TDRD1: variants seen among roughly 807,000 people sequenced by gnomAD.
TDRD1 encodes the protein tudor domain-containing protein 1.
In TDRD1, 37 loss-of-function variants were observed where a neutral mutation model predicts 140.6. The ratio of observed to expected loss-of-function variants is 0.26; its 90% confidence interval spans 0.20 to 0.35. The LOEUF (loss-of-function observed/expected upper bound fraction) is 0.35, where lower values mean the gene tolerates loss of function less well. Among genes scored for constraint, TDRD1 ranks in the 10% least tolerant of loss-of-function variants. The pLI, the probability that TDRD1 is intolerant of heterozygous loss-of-function variation, is 1.00. For missense variants in TDRD1, 1,243 were observed against 1,393.0 expected, an observed-to-expected ratio of 0.89 and a Z score of 1.71; for synonymous variants, 506 against 475.7, an observed-to-expected ratio of 1.06 and a Z score of -0.83.
intron 3 of TDRD1, among the ~76,000 whole-genome samples, chr10:114,191,936 CATT>C (rs2033992928): frequency 6.6e-6 from 1 of 152,174 alleles, no homozygotes; most frequent in Non-Finnish European, 1.5e-5. Flanking sequence ...AGTACTATCT[CATT>C]GTGGTTTAAC....
chr10:114,203,393 G>A (rs758693322), exon 8 of TDRD1: 16 of 1,594,634 alleles, frequency 1.0e-5, no homozygotes, highest in Middle Eastern at 1.7e-4. Flanking sequence ...GAAAGGGTAC[G>A]GTTACCGAAT....
chr10:114,200,893 AC>A (rs2034694139), intron 4 of TDRD1, among the ~76,000 whole-genome samples: 1 of 120,108 alleles, frequency 8.3e-6, no homozygotes, highest in South Asian at 2.5e-4. Flanking sequence ...TCACTCTGTC[AC>A]CCAGGCTGTG....
Position 114,187,933 on chromosome 10 carries a change from G to T in TDRD1, c.102G>T (p.Lys34Asn). Residue 34 changes from lysine to asparagine, a missense_variant, in exon 2 of 26, where the codon AAG becomes AAT. Around this residue, in one of 5 missense-constraint regions of TDRD1, gnomAD observed 237 missense variants for 215.5 expected, o/e 1.10. Coordinates refer to ENST00000251864, the Ensembl canonical transcript of TDRD1. Reference sequence around the variant, plus strand: ...TTAATTTTGAGAAAAATGAAAACAAGCTTCCACCACATGAGTCTTTAAGAA... The same window carrying T: ...TTAATTTTGAGAAAAATGAAAACAATCTTCCACCACATGAGTCTTTAAGAA... The T allele has an allele frequency of 6.2e-7, 1 of 1,613,728 alleles. No individual in the cohort carries two copies. The highest frequency in any genetic ancestry group is 2.2e-5 in the East Asian group (1 of 44,870).
intron 2 of TDRD1, among the ~76,000 whole-genome samples, chr10:114,190,240 T>G (rs1000534852): frequency 6.6e-6 from 1 of 152,238 alleles, no homozygotes; most frequent in Non-Finnish European, 1.5e-5. Context: ...AAATATAGTT[T>G]TTAAAAATTA....
chr10:114,186,413 G>A (rs1023433621), intron 1 of TDRD1, among the ~76,000 whole-genome samples: 3 of 151,930 alleles, frequency 2.0e-5, no homozygotes, highest in Non-Finnish European at 2.9e-5. Flanking sequence ...ACAGGCACCC[G>A]CCACCACGCC....
exon 26 of TDRD1, chr10:114,231,723 C>A: frequency 2.0e-6 from 1 of 510,884 alleles, no homozygotes; most frequent in Non-Finnish European, 3.4e-6. Flanking sequence ...AAAATTCATA[C>A]CAAATCAATG....
chr10:114,206,383 T>C, intron 11 of TDRD1, 53 bp downstream of exon 11: 4 of 1,448,736 alleles, frequency 2.8e-6, no homozygotes, highest in Non-Finnish European at 3.9e-6. Flanking sequence ...TTGAAGACCA[T>C]CTACCTACTA....
intron 4 of TDRD1, among the ~76,000 whole-genome samples, 154 bp downstream of exon 4, chr10:114,199,471 T>G (rs989700733): frequency 1.3e-5 from 2 of 152,244 alleles, no homozygotes; most frequent in Admixed American, 6.5e-5. Context: ...ATCCTGCTGT[T>G]CCTCTTCACC....
At chr10:114,192,195 A>G (rs1207547886) in intron 3 of TDRD1, among the ~76,000 whole-genome samples, 1 of 124,430 alleles carries the variant, frequency 8.0e-6, no homozygotes, top group Non-Finnish European at 1.7e-5. Flanking sequence ...TCTTTAATGG[A>G]TTGTTTTTGG....
chr10:114,210,947 T>A, exon 13 of TDRD1: 1 of 1,614,052 alleles, frequency 6.2e-7, no homozygotes, highest in Non-Finnish European at 8.5e-7. Context: ...ATTGGTGATA[T>A]ATGTTGTGCT....
intron 3 of TDRD1, among the ~76,000 whole-genome samples, chr10:114,193,592 G>C (rs1235983139): frequency 6.6e-6 from 1 of 152,222 alleles, no homozygotes; most frequent in Non-Finnish European, 1.5e-5. Flanking sequence ...ACCGGGACCA[G>C]CCACTGAAGT....
chr10:114,224,808 T>G (rs1199270519), intron 21 of TDRD1, among the ~76,000 whole-genome samples: 3 of 152,224 alleles, frequency 2.0e-5, no homozygotes, highest in Admixed American at 2.0e-4. Context: ...GTTTTCTGCC[T>G]TGGTTTCCCT....
exon 8 of TDRD1, chr10:114,203,492 A>G (rs2034896824): frequency 6.2e-7 from 1 of 1,614,032 alleles, no homozygotes; most frequent in South Asian, 1.1e-5. Context: ...TAAAAGAAAC[A>G]TATGCAAATG....
exon 26 of TDRD1, chr10:114,231,534 G>A (rs1244135469): frequency 3.2e-6 from 5 of 1,585,290 alleles, no homozygotes; most frequent in Non-Finnish European, 8.6e-7. Context: ...AAACAGCAAA[G>A]GCTAGCTTTA....
intron 16 of TDRD1, 88 bp downstream of exon 16, chr10:114,214,202 G>C (rs996975543): frequency 8.4e-7 from 1 of 1,195,190 alleles, no homozygotes; most frequent in African/African-American, 1.5e-5. Context: ...AGTGATAAAA[G>C]TACCTCTTTC....
chr10:114,201,543 T>A (rs1399284912), intron 5 of TDRD1, 28 bp downstream of exon 5: 1 of 1,579,474 alleles, frequency 6.3e-7, no homozygotes, highest in East Asian at 2.2e-5. Flanking sequence ...TTTTATTCAT[T>A]AAGGATTATG....
intron 8 of TDRD1, among the ~76,000 whole-genome samples, 187 bp from the exon 9 acceptor site, chr10:114,203,883 TAAC>T (rs1442487384): frequency 1.3e-5 from 2 of 152,240 alleles, no homozygotes; most frequent in Non-Finnish European, 2.9e-5. Flanking sequence ...ATATTATTAA[TAAC>T]ATGTCCTAAC....
intron 9 of TDRD1, 48 bp from the exon 10 acceptor site, chr10:114,204,674 C>T (rs368514779): frequency 5.9e-6 from 9 of 1,531,300 alleles, no homozygotes; most frequent in Non-Finnish European, 7.9e-6. Context: ...TAGAAAAAAT[C>T]ATTTTTAAAT....
Position 114,196,256 on chromosome 10 carries a change from T to G in TDRD1, c.385-2917T>G, listed in dbSNP as rs534300710. ...CTGAGCCCGGACTATTGTGTTTTTCTTCTTTCTGTTTCAGTGTTCCTGCTT... is the reference window on the plus strand; with the variant it reads ...CTGAGCCCGGACTATTGTGTTTTTCGTCTTTCTGTTTCAGTGTTCCTGCTT... On this transcript the variant is annotated intron_variant, in intron 3 of 25. Coordinates refer to ENST00000251864, the Ensembl canonical transcript of TDRD1. Among the ~76,000 whole-genome samples the G allele has an allele frequency of 1.3e-3, 205 of 152,342 alleles. 2 individuals are homozygous for G. Among genetic ancestry groups the G allele is most frequent in the African/African-American group, 4.7e-3 (195 of 41,586 alleles).
Sources: gnomAD v4.1 joint callset for allele counts (sites outside exome capture counted in the v4.1 genomes callset) on GRCh38, gnomAD v4.1.1 for gene constraint, gnomAD v4.1.1 regional missense constraint, MANE v1.5 for transcripts, NCBI Gene and HGNC (gene_info 2026-07-23, HGNC 2026-07-21) for gene names.